NKAIN2: variants seen among roughly 807,000 people sequenced by gnomAD.
The protein encoded by NKAIN2 is sodium/potassium transporting ATPase interacting 2.
In NKAIN2, 14 loss-of-function variants were observed where a neutral mutation model predicts 32.6. The ratio of observed to expected loss-of-function variants is 0.43; its 90% CI spans 0.28 to 0.67. The LOEUF (loss-of-function observed/expected upper bound fraction) is 0.67, where lower values mean the gene tolerates loss of function less well. Among genes scored for constraint, NKAIN2 ranks in the 30% least tolerant of loss-of-function variants. The pLI, the probability that NKAIN2 is intolerant of heterozygous loss-of-function variation, is 0.17. For missense variants in NKAIN2, 198 were observed against 258.3 expected, an observed-to-expected ratio of 0.77 and a Z score of 1.60; for synonymous variants, 80 against 87.2, an observed-to-expected ratio of 0.92 and a Z score of 0.46.
intron 3 of NKAIN2, among the ~76,000 whole-genome samples, chr6:124,530,807 G>C (rs1315820393): frequency 6.6e-6 from 1 of 152,132 alleles, no homozygotes; most frequent in Non-Finnish European, 1.5e-5. Context: ...ATAATTTTTA[G>C]AGTCCAAAGC....
intron 3 of NKAIN2, 74 bp downstream of exon 3, chr6:124,355,421 A>G: frequency 1.3e-6 from 1 of 795,826 alleles, no homozygotes; most frequent in Non-Finnish European, 2.2e-6. Flanking sequence ...GCAGAGTCTC[A>G]TCCTGTTCTG....
intron 1 of NKAIN2, among the ~76,000 whole-genome samples, chr6:123,914,783 G>A (rs1775406724): frequency 6.6e-6 from 1 of 152,156 alleles, no homozygotes; most frequent in African/African-American, 2.4e-5. Flanking sequence ...GATAAGAGAT[G>A]AGAAAGGGAA....
chr6:123,819,573 G>T (rs1459896508), intron 1 of NKAIN2, among the ~76,000 whole-genome samples: 1 of 152,138 alleles, frequency 6.6e-6, no homozygotes. Flanking sequence ...ACTGAGTCTG[G>T]AGGATTCCGA....
At chr6:124,369,318 C>T (rs1345466522) in intron 3 of NKAIN2, among the ~76,000 whole-genome samples, 1 of 152,102 alleles carries the variant, frequency 6.6e-6, no homozygotes, top group East Asian at 1.9e-4. Flanking sequence ...AGTTCCATGG[C>T]TTTAAATTTA....
chr6:124,783,012 T>C (rs940987162), intron 4 of NKAIN2, among the ~76,000 whole-genome samples: 1 of 152,140 alleles, frequency 6.6e-6, no homozygotes, highest in Non-Finnish European at 1.5e-5. Context: ...ATGGTAGTTC[T>C]ATTGCACTAG....
At chr6:124,197,017 A>C (rs1403189602) in intron 1 of NKAIN2, among the ~76,000 whole-genome samples, 2 of 151,700 alleles carry the variant, frequency 1.3e-5, no homozygotes, top group East Asian at 3.9e-4. Context: ...GAAAGAAAAA[A>C]TGTTTACTAA....
chr6:124,607,056 G>A (rs1562281210), intron 3 of NKAIN2, among the ~76,000 whole-genome samples: 1 of 152,092 alleles, frequency 6.6e-6, no homozygotes, highest in Non-Finnish European at 1.5e-5. Flanking sequence ...TGGACATGGA[G>A]TTGTTGCTGG....
chr6:124,715,804 C>G (rs1193253509), intron 4 of NKAIN2, among the ~76,000 whole-genome samples: 1 of 152,120 alleles, frequency 6.6e-6, no homozygotes, highest in African/African-American at 2.4e-5. Flanking sequence ...ATACCCAAAC[C>G]AAAGGGAAAA....
chr6:124,723,000 C>T (rs369351064), intron 4 of NKAIN2, among the ~76,000 whole-genome samples: 11 of 152,238 alleles, frequency 7.2e-5, no homozygotes, highest in Admixed American at 7.2e-4. Context: ...ATCCAAAGCT[C>T]TAGAGATTGG....
chr6:124,265,143 ATTTG>A (rs536703934), intron 1 of NKAIN2, among the ~76,000 whole-genome samples: 154 of 152,132 alleles, frequency 1.0e-3, no homozygotes, highest in African/African-American at 3.6e-3. Context: ...GACCTATAGC[ATTTG>A]TTTTTTTTCA....
chr6:124,401,483 A>C (rs1773623913), intron 3 of NKAIN2, among the ~76,000 whole-genome samples: 1 of 152,164 alleles, frequency 6.6e-6, no homozygotes, highest in Non-Finnish European at 1.5e-5. Flanking sequence ...GCAGAGTTGA[A>C]TACTTGTGAC....
At chr6:124,245,333 C>A (rs1161573859) in intron 1 of NKAIN2, among the ~76,000 whole-genome samples, 1 of 151,994 alleles carries the variant, frequency 6.6e-6, no homozygotes, top group African/African-American at 2.4e-5. Context: ...TTAAAGAATC[C>A]TACTCTGGGA....
At chr6:124,215,352 A>G (rs1388320282) in intron 1 of NKAIN2, among the ~76,000 whole-genome samples, 2 of 152,140 alleles carry the variant, frequency 1.3e-5, no homozygotes, top group African/African-American at 4.8e-5. Context: ...CAAATATAAT[A>G]AAGAGATTTT....
intron 1 of NKAIN2, among the ~76,000 whole-genome samples, chr6:123,968,461 T>C (rs1778193148): frequency 6.6e-6 from 1 of 152,216 alleles, no homozygotes; most frequent in Admixed American, 6.5e-5. Flanking sequence ...TGTTGCTCTG[T>C]ATCTGAAGAG....
At chr6:124,783,226 C>G (rs561194996) in intron 4 of NKAIN2, among the ~76,000 whole-genome samples, 1 of 152,126 alleles carries the variant, frequency 6.6e-6, no homozygotes, top group Non-Finnish European at 1.5e-5. Flanking sequence ...CCAGACTCCT[C>G]TGAACTAGGA....
intron 4 of NKAIN2, among the ~76,000 whole-genome samples, chr6:124,697,833 C>T (rs11968856): frequency 0.076 from 11,520 of 152,028 alleles, 580 homozygotes; most frequent in African/African-American, 0.14. Flanking sequence ...TTAGTCCTGC[C>T]GCTAAAACTC....
chr6:124,356,103 A>T (rs1328026389), intron 3 of NKAIN2, among the ~76,000 whole-genome samples: 2 of 152,212 alleles, frequency 1.3e-5, no homozygotes, highest in Admixed American at 6.5e-5. Flanking sequence ...AAACATAAAA[A>T]TTGTAAAATG....
At chr6:123,862,695 C>T (rs184110824) in intron 1 of NKAIN2, among the ~76,000 whole-genome samples, 42 of 152,268 alleles carry the variant, frequency 2.8e-4, no homozygotes, top group Non-Finnish European at 4.4e-5. Context: ...TTTCTGCCCA[C>T]AATATCCATT....
intron 1 of NKAIN2, among the ~76,000 whole-genome samples, chr6:124,068,810 C>T (rs1438387632): frequency 2.0e-5 from 3 of 151,804 alleles, no homozygotes; most frequent in Admixed American, 6.6e-5. Context: ...TTTTGAAGAG[C>T]GATATGCCTG....
Sources: gnomAD v4.1 joint callset for allele counts (sites outside exome capture counted in the v4.1 genomes callset) on GRCh38, gnomAD v4.1.1 for gene constraint, MANE v1.5 for transcripts, NCBI Gene and HGNC (gene_info 2026-07-23, HGNC 2026-07-21) for gene names.